PRKG1: variants seen among roughly 807,000 people sequenced by gnomAD.
PRKG1 encodes the protein cGMP-dependent protein kinase 1.
A neutral mutation model predicts 88.1 loss-of-function variants in PRKG1; 35 were observed. The observed-to-expected ratio is 0.40, with a 90% CI of 0.30 to 0.53. PRKG1 has a LOEUF of 0.53. Among genes scored for constraint, PRKG1 ranks in the 20% least tolerant of loss-of-function variants. The pLI is 0.59. For synonymous variants in PRKG1, 303 were observed against 292.5 expected (o/e 1.04, Z -0.37); for missense variants, 540 against 839.8 (o/e 0.64, Z 4.41).
intron 1 of PRKG1, among the ~76,000 whole-genome samples, chr10:51,008,466 A>G (rs1242619966): frequency 6.6e-6 from 1 of 152,178 alleles, no homozygotes; most frequent in Admixed American, 6.5e-5. Context: ...AAACCCTAGG[A>G]GAGGAGCTTC....
intron 14 of PRKG1, among the ~76,000 whole-genome samples, chr10:52,287,555 T>G (rs1842146043): frequency 6.6e-6 from 1 of 152,022 alleles, no homozygotes; most frequent in South Asian, 2.1e-4. Flanking sequence ...TTAAAGAGAG[T>G]AATTAATTTC....
At position 51,940,765 on chromosome 10, in the gene PRKG1, TTC is replaced by T. The variant is rs374314587; in HGVS notation, c.762+33203_762+33204del. Among the ~76,000 whole-genome samples, 170 of 152,090 alleles carry T rather than the reference TTC, an allele frequency of 1.1e-3. 1 individual carries two copies. Among genetic ancestry groups the T allele is most frequent in the African/African-American group, 3.8e-3 (157 of 41,438 alleles). On this transcript the variant is annotated intron_variant, in intron 5 of 17. Transcript: ENST00000373980. ...ATTACTTCCCTTAACTTTCGTCTTC[TTC>T]TCTCTCTTTTTTCTTTCACCAAAGC... is the stretch of plus-strand genomic sequence containing the variant.
intron 7 of PRKG1, among the ~76,000 whole-genome samples, chr10:52,110,568 A>G (rs540888349): frequency 1.3e-5 from 2 of 152,186 alleles, no homozygotes; most frequent in Admixed American, 1.3e-4. Context: ...CAGGGAGGGA[A>G]GATAGGAAAA....
chr10:51,748,035 A>C (rs148161393), intron 3 of PRKG1, among the ~76,000 whole-genome samples: 133 of 152,278 alleles, frequency 8.7e-4, no homozygotes, highest in African/African-American at 3.0e-3. Context: ...CTTCAGTACT[A>C]TTGTCTTTCT....
chr10:51,424,774 A>G (rs550358810), intron 2 of PRKG1, among the ~76,000 whole-genome samples: 20 of 152,158 alleles, frequency 1.3e-4, no homozygotes, highest in African/African-American at 4.8e-4. Context: ...TTTTTTCCTG[A>G]TGCATTAGAC....
At chr10:52,066,605 T>C (rs896549305) in intron 7 of PRKG1, among the ~76,000 whole-genome samples, 1 of 152,132 alleles carries the variant, frequency 6.6e-6, no homozygotes, top group African/African-American at 2.4e-5. Flanking sequence ...AGGCTAGCGA[T>C]GTAAATGACT....
chr10:51,958,646 C>T (rs1843373509), intron 5 of PRKG1, among the ~76,000 whole-genome samples: 1 of 140,188 alleles, frequency 7.1e-6, no homozygotes. Context: ...AAGCCTATGT[C>T]AGGGGAACAT....
At chr10:51,265,396 A>G (rs972636461) in intron 2 of PRKG1, among the ~76,000 whole-genome samples, 2 of 152,172 alleles carry the variant, frequency 1.3e-5, no homozygotes, top group African/African-American at 2.4e-5. Context: ...AGTATGTTCA[A>G]TTCAATATTT....
intron 5 of PRKG1, among the ~76,000 whole-genome samples, chr10:51,951,396 G>C (rs1218094492): frequency 1.3e-5 from 2 of 152,200 alleles, no homozygotes; most frequent in Non-Finnish European, 2.9e-5. Context: ...TTAGATGGTT[G>C]CCTGCCAGAT....
intron 4 of PRKG1, among the ~76,000 whole-genome samples, chr10:51,840,588 C>A (rs1328813000): frequency 1.3e-5 from 2 of 150,754 alleles, no homozygotes; most frequent in Non-Finnish European, 3.0e-5. Context: ...CTTTTGTCAC[C>A]TAGGCTGGAG....
intron 2 of PRKG1, among the ~76,000 whole-genome samples, chr10:51,379,924 TA>T (rs756156433): frequency 1.3e-3 from 195 of 152,328 alleles, no homozygotes; most frequent in Non-Finnish European, 1.7e-3. Context: ...CATACTGGGC[TA>T]AAATAAGTAG....
rs199832900 is a variant in PRKG1, at chr10:51,067,274, A to G, written c.266+75630A>G. 3.5e-3 allele frequency among the ~76,000 whole-genome samples: 138 copies of G among 39,770 alleles called. 1 individual carries two copies. The highest frequency in any genetic ancestry group is 7.1e-3 in the African/African-American group (136 of 19,132). The allele number at this position is 39,770 out of a possible 152,430, so 26.1% of individuals were successfully genotyped here. On this transcript the variant is annotated intron_variant, in intron 1 of 17. Coordinates refer to the PRKG1 transcript ENST00000401604. ...TGTGTGTTTGTATGTATGTGTGTAT[A>G]TATATATATATATATATATGTTATT...
At position 51,591,966 on chromosome 10, in the gene PRKG1, T is replaced by C. The variant is rs185855360; in HGVS notation, c.592+124130T>C. Among the ~76,000 whole-genome samples, 364 of 152,240 alleles carry C rather than the reference T, an allele frequency of 2.4e-3. 2 individuals carry two copies. The highest frequency in any genetic ancestry group is 8.2e-3 in the African/African-American group (340 of 41,560). On this transcript the variant is annotated intron_variant, in intron 3 of 17. Transcript: ENST00000373980. ...GCAACCCAACAAACTCTATTCCCCCTGTTAGGGGGGAAAACACATTCTAAT... is the reference window on the plus strand; with the variant it reads ...GCAACCCAACAAACTCTATTCCCCCCGTTAGGGGGGAAAACACATTCTAAT...
intron 5 of PRKG1, among the ~76,000 whole-genome samples, chr10:51,997,154 C>T (rs1462224089): frequency 2.0e-5 from 3 of 151,906 alleles, no homozygotes; most frequent in Non-Finnish European, 4.4e-5. Context: ...AGATGTTGGT[C>T]AATGGATCCA....
rs867335757 is a variant in PRKG1 at position 52,297,887 on chromosome 10, C to A, written c.*3987C>A. On this transcript the variant is annotated 3_prime_UTR_variant, in exon 18 of 18. Coordinates refer to ENST00000373980, the MANE Select transcript of PRKG1 (RefSeq NM_006258.4). ...TTTCCGAGTTCTTGTATATGCAAAT[C>A]ATTTACGAGGCAAGTTTTCAACAGA... 1 of 152,122 alleles carries A rather than the reference C, an allele frequency of 6.6e-6. No individual in the cohort carries two copies. The highest frequency in any genetic ancestry group is 1.5e-5 in the Non-Finnish European group (1 of 68,020). 9.4% of individuals were successfully genotyped at this position (152,122 alleles called of 1,614,324 possible). A position where few individuals can be genotyped will look rare whatever the true frequency, so the allele number is the denominator to read the frequency against.
intron 1 of PRKG1, among the ~76,000 whole-genome samples, chr10:51,142,525 A>G (rs765006023): frequency 7.9e-5 from 12 of 152,156 alleles, no homozygotes; most frequent in African/African-American, 1.7e-4. Flanking sequence ...AGACACAGAC[A>G]TAGAGAGAGA....
At chr10:50,995,230 G>A (rs1296494251) in intron 1 of PRKG1, among the ~76,000 whole-genome samples, 2 of 152,128 alleles carry the variant, frequency 1.3e-5, no homozygotes, top group Non-Finnish European at 2.9e-5. Flanking sequence ...ATTCATTAAC[G>A]ACTGTAATCT....
chr10:51,083,222 C>G (rs943991173), intron 1 of PRKG1, among the ~76,000 whole-genome samples: 4 of 152,194 alleles, frequency 2.6e-5, no homozygotes, highest in Non-Finnish European at 4.4e-5. Flanking sequence ...GTGGCAGCAG[C>G]TCTGTTCAGT....
chr10:51,922,407 TG>T (rs919713964), intron 5 of PRKG1, among the ~76,000 whole-genome samples: 10 of 151,794 alleles, frequency 6.6e-5, no homozygotes, highest in Non-Finnish European at 1.3e-4. Flanking sequence ...ATATCTGACT[TG>T]ATTTTTATAA....
Sources: gnomAD v4.1 joint callset for allele counts (sites outside exome capture counted in the v4.1 genomes callset) on GRCh38, gnomAD v4.1.1 for gene constraint, MANE v1.5 for transcripts, NCBI Gene and HGNC (gene_info 2026-07-23, HGNC 2026-07-21) for gene names.